The following NRXN1 variants were observed in gnomAD, a reference collection of about 807,000 sequenced individuals.
NRXN1 encodes the protein neurexin-1.
A neutral mutation model predicts 150.9 loss-of-function variants in NRXN1; 39 were observed. The observed-to-expected ratio is 0.26, with a 90% CI of 0.20 to 0.34. NRXN1 has a LOEUF of 0.34. NRXN1 is among the 10% of genes least tolerant of loss of function. The pLI is 1.00. For missense variants in NRXN1, 1,815 were observed against 1,949.9 expected (o/e 0.93, Z 1.30); for synonymous variants, 924 against 757.0 (o/e 1.22, Z -3.62).
intron 15 of NRXN1, among the ~76,000 whole-genome samples, chr2:50,491,858 A>C (rs1272081858): frequency 6.6e-6 from 1 of 152,190 alleles, no homozygotes; most frequent in African/African-American, 2.4e-5. Context: ...GTACTCATTG[A>C]AGGTGGGGGC....
intron 8 of NRXN1, among the ~76,000 whole-genome samples, chr2:50,611,263 C>A (rs1208288418): frequency 6.6e-6 from 1 of 152,006 alleles, no homozygotes; most frequent in African/African-American, 2.4e-5. Flanking sequence ...TGTCACTGAA[C>A]CCCCTGACAG....
chr2:50,419,449 C>T (rs544384441), intron 17 of NRXN1, among the ~76,000 whole-genome samples: 1 of 152,156 alleles, frequency 6.6e-6, no homozygotes, highest in Non-Finnish European at 1.5e-5. Flanking sequence ...AAAAGTATTT[C>T]TTGCTAATAA....
chr2:50,142,801 A>C (rs1025401340), intron 18 of NRXN1, among the ~76,000 whole-genome samples: 12 of 151,856 alleles, frequency 7.9e-5, no homozygotes, highest in African/African-American at 2.7e-4. Context: ...GGTTGGACTT[A>C]AGAGGTGTGG....
At chr2:50,358,660 C>T (rs1397547588) in intron 17 of NRXN1, among the ~76,000 whole-genome samples, 3 of 152,230 alleles carry the variant, frequency 2.0e-5, no homozygotes, top group Non-Finnish European at 2.9e-5. Context: ...ACAGCTTCAG[C>T]CAACTTACCC....
intron 15 of NRXN1, among the ~76,000 whole-genome samples, chr2:50,481,661 G>C (rs11678492): frequency 0.26 from 39,386 of 151,274 alleles, 6,006 homozygotes; most frequent in South Asian, 0.37. Context: ...TAAGAGTTTA[G>C]ACCTTAACGT....
At chr2:50,727,756 G>A (rs1319163801) in intron 5 of NRXN1, among the ~76,000 whole-genome samples, 2 of 152,024 alleles carry the variant, frequency 1.3e-5, no homozygotes, top group Non-Finnish European at 2.9e-5. Flanking sequence ...GAAGATCTTG[G>A]CTCCACTGTC....
At chr2:51,021,852 G>C (rs1269539365) in intron 2 of NRXN1, among the ~76,000 whole-genome samples, 2 of 151,898 alleles carry the variant, frequency 1.3e-5, no homozygotes, top group African/African-American at 4.8e-5. Context: ...ATATAAAATT[G>C]GGATGGAATA....
At chr2:50,266,137 T>TAATGCACC (rs2068839641) in intron 17 of NRXN1, among the ~76,000 whole-genome samples, 1 of 150,220 alleles carries the variant, frequency 6.7e-6, no homozygotes, top group Non-Finnish European at 1.5e-5. Flanking sequence ...TAGCTGGGAT[T>TAATGCACC]ACAGGCATGC....
At chr2:50,546,403 G>C (rs1457081646) in intron 9 of NRXN1, among the ~76,000 whole-genome samples, 2 of 152,092 alleles carry the variant, frequency 1.3e-5, no homozygotes, top group African/African-American at 2.4e-5. Context: ...CAGGGGCCTA[G>C]CTCAGGTACT....
intron 17 of NRXN1, among the ~76,000 whole-genome samples, chr2:50,455,415 C>G (rs1371879221): frequency 1.3e-5 from 2 of 152,156 alleles, no homozygotes; most frequent in Non-Finnish European, 2.9e-5. Flanking sequence ...ATACTGCACT[C>G]TATAGATCAA....
At position 50,531,220 on chromosome 2, in the gene NRXN1, T is replaced by C; in HGVS notation, c.2347+7A>G. The C allele has an allele frequency of 6.2e-7, 1 of 1,609,952 alleles. No homozygotes were observed. Among genetic ancestry groups the C allele is most frequent in the Non-Finnish European group, 8.5e-7 (1 of 1,177,668 alleles). On this transcript the variant is annotated splice_region_variant and intron_variant, in intron 11 of 22. Coordinates refer to ENST00000401669, the MANE Select transcript of NRXN1 (RefSeq NM_001330078.2). ...TGTTAGTTCAATGGGGGAAGGCAGG[T>C]TGTTACCTAGATTGACCGTCAGTTT...
intron 17 of NRXN1, among the ~76,000 whole-genome samples, chr2:50,456,077 C>T (rs2087526994): frequency 6.6e-6 from 1 of 152,148 alleles, no homozygotes; most frequent in Non-Finnish European, 1.5e-5. Context: ...GCTTCTCTCC[C>T]TAAAGGGTCA....
At chr2:50,447,875 C>T (rs1289917116) in intron 17 of NRXN1, among the ~76,000 whole-genome samples, 1 of 149,742 alleles carries the variant, frequency 6.7e-6, no homozygotes, top group East Asian at 2.0e-4. Context: ...CACTAATTTC[C>T]ATTCACCAAT....
chr2:50,854,692 A>T (rs969444585), intron 5 of NRXN1, among the ~76,000 whole-genome samples: 3 of 152,088 alleles, frequency 2.0e-5, no homozygotes, highest in Non-Finnish European at 4.4e-5. Flanking sequence ...CCAACTTGAC[A>T]GCCATTCTTT....
At chr2:50,155,628 G>GT in intron 18 of NRXN1, among the ~76,000 whole-genome samples, 1 of 151,486 alleles carries the variant, frequency 6.6e-6, no homozygotes, top group African/African-American at 2.4e-5. Context: ...TTTTGATCCT[G>GT]TTTTTTTCCA....
intron 21 of NRXN1, among the ~76,000 whole-genome samples, chr2:49,998,018 G>A (rs950693386): frequency 6.6e-6 from 1 of 152,142 alleles, no homozygotes; most frequent in Non-Finnish European, 1.5e-5. Context: ...AGAGAGCCAG[G>A]TCAGCAGAGT....
intron 18 of NRXN1, among the ~76,000 whole-genome samples, chr2:50,210,307 A>C (rs1032409445): frequency 1.3e-5 from 2 of 152,064 alleles, no homozygotes; most frequent in African/African-American, 4.8e-5. Context: ...TAAAGTTATT[A>C]ATTTCAGCTT....
intron 12 of NRXN1, chr2:50,506,859 GT>G: frequency 2.1e-6 from 1 of 474,092 alleles, no homozygotes; most frequent in Middle Eastern, 5.8e-4. Context: ...AAACATTCAG[GT>G]GTGACCATTT....
intron 18 of NRXN1, among the ~76,000 whole-genome samples, chr2:50,179,561 G>T (rs566092018): frequency 2.0e-5 from 3 of 151,958 alleles, no homozygotes; most frequent in Non-Finnish European, 4.4e-5. Flanking sequence ...TTGATTCTAT[G>T]GTAACATGCA....
Sources: allele counts gnomAD v4.1 joint callset (sites outside exome capture counted in the v4.1 genomes callset), GRCh38; gene constraint gnomAD v4.1.1; transcripts MANE v1.5; gene names NCBI Gene and HGNC (gene_info 2026-07-23, HGNC 2026-07-21).